Variants in MTUS2 observed in about 807,000 individuals in gnomAD.
MTUS2 encodes microtubule associated scaffold protein 2, also known as microtubule-associated tumor suppressor candidate 2.
Under a neutral mutation model 114.1 loss-of-function variants are expected in MTUS2, and 40 were observed. The observed-to-expected ratio is 0.35, with a 90% CI of 0.27 to 0.46. MTUS2 has a LOEUF of 0.46. MTUS2 is among the 20% of genes least tolerant of loss of function. The pLI, the probability that MTUS2 is intolerant of heterozygous loss-of-function variation, is 1.00. For synonymous variants in MTUS2, 688 were observed against 672.0 expected (o/e 1.02, Z -0.37); for missense variants, 1,679 against 1,705.4 (o/e 0.98, Z 0.27).
chr13:29,102,834 A>T (rs1470842479), intron 5 of MTUS2, among the ~76,000 whole-genome samples: 1 of 152,206 alleles, frequency 6.6e-6, no homozygotes, highest in East Asian at 1.9e-4. Context: ...TGATGCTTTG[A>T]TGACAGGGAA....
At chr13:29,433,264 A>G (rs945574069) in intron 8 of MTUS2, among the ~76,000 whole-genome samples, 3 of 152,176 alleles carry the variant, frequency 2.0e-5, no homozygotes, top group African/African-American at 7.2e-5. Flanking sequence ...GAAATTATGC[A>G]TTTGTAATCA....
At chr13:28,939,170 T>G (rs1275676901) in intron 2 of MTUS2, among the ~76,000 whole-genome samples, 2 of 152,220 alleles carry the variant, frequency 1.3e-5, no homozygotes, top group Non-Finnish European at 2.9e-5. Context: ...AGCTCAGTTT[T>G]CTCTTTTGGG....
rs141852290 is a variant in MTUS2, at chr13:29,053,765, C to T, written c.2446+19640C>T. Among the ~76,000 whole-genome samples the T allele has an allele frequency of 2.2e-3, 337 of 152,128 alleles. 2 individuals carry two copies. Among genetic ancestry groups the T allele is most frequent in the African/African-American group, 7.8e-3 (322 of 41,484 alleles). On this transcript the variant is annotated intron_variant, in intron 4 of 15. Transcript: ENST00000612955. ...ATTTGTAGTTCATTCCTTTTATTGCCGAGTATTGTATGGATGTACATACCA... is the reference window on the plus strand; with the variant it reads ...ATTTGTAGTTCATTCCTTTTATTGCTGAGTATTGTATGGATGTACATACCA...
At chr13:28,939,660 G>A (rs981718407) in intron 2 of MTUS2, among the ~76,000 whole-genome samples, 1 of 151,900 alleles carries the variant, frequency 6.6e-6, no homozygotes, top group Non-Finnish European at 1.5e-5. Flanking sequence ...TTTAATTTTA[G>A]TGTTACTTCT....
chr13:29,295,596 CTG>C (rs1320523986), intron 6 of MTUS2, among the ~76,000 whole-genome samples: 1 of 152,180 alleles, frequency 6.6e-6, no homozygotes, highest in African/African-American at 2.4e-5. Context: ...CTGCAAGTAA[CTG>C]AATGTTGTTC....
intron 2 of MTUS2, among the ~76,000 whole-genome samples, chr13:28,878,350 C>G (rs946724559): frequency 2.6e-5 from 4 of 151,840 alleles, no homozygotes; most frequent in African/African-American, 9.7e-5. Flanking sequence ...ACTCTTAAGT[C>G]CTGGGGTACA....
At chr13:28,970,189 A>G (rs534934710) in intron 2 of MTUS2, among the ~76,000 whole-genome samples, 6 of 152,012 alleles carry the variant, frequency 3.9e-5, no homozygotes, top group Non-Finnish European at 8.8e-5. Context: ...ATGATTTTTA[A>G]AATAATTCCA....
chr13:29,326,651 T>C (rs143065776), intron 7 of MTUS2, among the ~76,000 whole-genome samples: 25 of 152,266 alleles, frequency 1.6e-4, no homozygotes, highest in African/African-American at 5.3e-4. Flanking sequence ...TCATAATGAC[T>C]TACATGAACT....
rs571746969 is a variant in MTUS2, at chr13:29,503,272, G to A, written c.*66G>A. The A allele has an allele frequency of 4.5e-6, 7 of 1,571,536 alleles. No homozygotes were observed. The Admixed American group carries it at 1.0e-4, about 23-fold the overall frequency. ...CCGGTCTCCACCCTGAGGGAGCACC[G>A]ACCCGGTGCCGCCGGAGCTGGCCCT... On this transcript the variant is annotated 3_prime_UTR_variant, in exon 16 of 16. Coordinates refer to ENST00000612955, the MANE Select transcript of MTUS2 (RefSeq NM_001033602.4).
At chr13:29,438,500 T>C (rs1173729436) in intron 8 of MTUS2, among the ~76,000 whole-genome samples, 2 of 152,190 alleles carry the variant, frequency 1.3e-5, no homozygotes, top group Non-Finnish European at 2.9e-5. Flanking sequence ...CATTAGTACC[T>C]TCTGGCTGTA....
chr13:29,251,903 A>T (rs546081051), intron 5 of MTUS2, among the ~76,000 whole-genome samples: 3 of 152,312 alleles, frequency 2.0e-5, no homozygotes, highest in East Asian at 3.9e-4. Flanking sequence ...ACACGAGTCT[A>T]CAAATATCTA....
chr13:29,419,758 G>A (rs1461837855), intron 8 of MTUS2, among the ~76,000 whole-genome samples: 1 of 152,190 alleles, frequency 6.6e-6, no homozygotes, highest in Non-Finnish European at 1.5e-5. Flanking sequence ...GACACATGTA[G>A]AAGTTCTTAC....
intron 7 of MTUS2, among the ~76,000 whole-genome samples, chr13:29,325,054 A>G (rs950829355): frequency 2.6e-5 from 4 of 152,238 alleles, no homozygotes; most frequent in African/African-American, 9.6e-5. Flanking sequence ...AAGAACAGAG[A>G]TAATGGGTAT....
chr13:29,088,512 A>T (rs2479794), intron 4 of MTUS2, among the ~76,000 whole-genome samples: 98,253 of 152,046 alleles, frequency 0.65, 32,844 homozygotes, highest in Non-Finnish European at 0.74. Context: ...AGTGTTGAGT[A>T]TAGGTCCCAA....
chr13:29,245,981 G>A (rs886684815), intron 5 of MTUS2, among the ~76,000 whole-genome samples: 2 of 152,222 alleles, frequency 1.3e-5, no homozygotes, highest in Non-Finnish European at 2.9e-5. Context: ...ACAGGCGTGA[G>A]CCACCGCGCC....
intron 5 of MTUS2, among the ~76,000 whole-genome samples, chr13:29,234,924 ATAATT>A (rs1896475921): frequency 6.6e-6 from 1 of 152,062 alleles, no homozygotes; most frequent in South Asian, 2.1e-4. Flanking sequence ...TTATTTGTAA[ATAATT>A]TAAGTGGGAT....
At chr13:29,116,640 T>G (rs1200995156) in intron 5 of MTUS2, among the ~76,000 whole-genome samples, 1 of 152,224 alleles carries the variant, frequency 6.6e-6, no homozygotes, top group Non-Finnish European at 1.5e-5. Context: ...CCCGTCACTC[T>G]TCTTGCACTT....
At chr13:29,501,435 C>T (rs2139024171) in intron 15 of MTUS2, among the ~76,000 whole-genome samples, 1 of 152,314 alleles carries the variant, frequency 6.6e-6, no homozygotes, top group Admixed American at 6.5e-5. Context: ...CAGGGTCCTC[C>T]TGCAGCACTG....
chr13:29,468,964 C>T (rs911788673), intron 9 of MTUS2, among the ~76,000 whole-genome samples: 1 of 152,286 alleles, frequency 6.6e-6, no homozygotes, highest in East Asian at 1.9e-4. Flanking sequence ...AACTGGTACA[C>T]CTTTCCCTGT....
Sources: allele counts gnomAD v4.1 joint callset (sites outside exome capture counted in the v4.1 genomes callset), GRCh38; gene constraint gnomAD v4.1.1; transcripts MANE v1.5; gene names NCBI Gene and HGNC (gene_info 2026-07-23, HGNC 2026-07-21).